The following TLN1 variants were observed in gnomAD, a reference collection of about 807,000 sequenced individuals.
TLN1 encodes talin 1.
TLN1 carries 56 observed loss-of-function variants against 292.3 expected under a neutral mutation model. The observed-to-expected ratio is 0.19, with a 90% CI of 0.15 to 0.24. TLN1 has a LOEUF of 0.24. Ranked by LOEUF, TLN1 falls within the 10% of genes least tolerant of loss-of-function variation. The pLI is 1.00. For missense variants in TLN1, 2,433 were observed against 3,248.2 expected (o/e 0.75, Z 6.10); for synonymous variants, 1,119 against 1,253.7 (o/e 0.89, Z 2.27).
At chr9:35,730,922 A>AGTCCCCAACTTGTGACTAGGCC (rs1160575124) in intron 1 of TLN1, among the ~76,000 whole-genome samples, 3 of 152,106 alleles carry the variant, frequency 2.0e-5, no homozygotes, top group African/African-American at 7.2e-5. Context: ...TTCCCTAGGC[A>AGTCCCCAACTTGTGACTAGGCC]GTCCCCAACT....
Position 35,714,252 on chromosome 9 carries a change from G to A in TLN1, c.3107C>T (p.Thr1036Met), listed in dbSNP as rs1391200571. ...CAGCTTCCATACCTTCTGGGCAGCC[G>A]TCCGGAGTTCAGCCAGCGCGGTGCC... ...NLGTALAELR[T>M]AAQKAQEACG... is the part of the protein sequence containing the mutation. The change falls in exon 24 of 57, where the codon ACG becomes ATG. Residue 1036 changes from threonine to methionine, a missense_variant. By Grantham distance (81) the Thr-to-Met change is moderately conservative. This residue lies in a region of TLN1 where 1,384 missense variants were observed against 1,699.6 expected (regional missense o/e 0.81). Transcript: ENST00000314888. This position sits in a 1 kb window ranked among gnomAD's most constrained non-coding sequence, Gnocchi z 4.6. The A allele has an allele frequency of 2.5e-6, 4 of 1,611,220 alleles. No homozygotes were observed. The highest frequency in any genetic ancestry group is 1.7e-5 in the Admixed American group (1 of 59,824).
At chr9:35,730,695 G>A (rs1437291640) in intron 1 of TLN1, among the ~76,000 whole-genome samples, 2 of 152,090 alleles carry the variant, frequency 1.3e-5, no homozygotes, top group Admixed American at 1.3e-4. Context: ...AGATGAGCAT[G>A]GGAGAGTTAA....
rs1340991363 is a variant in TLN1, at chr9:35,707,869, C to T, written c.4494G>A (p.Val1498=). Residue 1498 remains valine (V), a synonymous_variant, in exon 35 of 57, where the codon GTG becomes GTA. Coordinates refer to ENST00000314888, the MANE Select transcript of TLN1 (RefSeq NM_006289.4). The surrounding 1 kb of genome is among the most constrained non-coding windows in gnomAD (Gnocchi z 5.6). ...TACACAGTGCAGAGGTGTGTTTAGC[C>T]ACAATGGTGGCTGCAGAGAGCACCT... ...QAQVLSAATI[V]AKHTSALCNS... 5.0e-6 allele frequency: 8 copies of T among 1,614,084 alleles called. No individual in the cohort carries two copies. The highest frequency in any genetic ancestry group is 1.7e-4 in the Middle Eastern group (1 of 6,058).
intron 27 of TLN1, 73 bp from the exon 28 acceptor site, chr9:35,712,197 G>A: frequency 6.5e-7 from 1 of 1,529,706 alleles, no homozygotes; most frequent in Non-Finnish European, 8.8e-7. Context: ...ACGCGACATG[G>A]GAGATGACTA....
In TLN1 at chr9:35,719,042, C is replaced by T. The variant is rs1420048507; in HGVS notation, c.1896+32G>A. 95 of 1,602,614 alleles carry T rather than the reference C, an allele frequency of 5.9e-5. 1 individual carries two copies. The highest frequency in any genetic ancestry group is 8.0e-5 in the Non-Finnish European group (94 of 1,172,940). On this transcript the variant is annotated intron_variant, in intron 16 of 56. Coordinates refer to ENST00000314888, the MANE Select transcript of TLN1 (RefSeq NM_006289.4). This position sits in a 1 kb window ranked among gnomAD's most constrained non-coding sequence, Gnocchi z 4.6. ...CCTTCTCCTTGGGCTTGAACCCTGT[C>T]TCCACCCTAACCCAAACCTGTGGCC...
chr9:35,721,680 G>A lies in TLN1; in HGVS notation c.1072C>T (p.Arg358Cys). ...IQEWNLTNIK[R>C]WAASPKSFTL... ...AAGCTTTTGGGAGACGCAGCCCAGC[G>A]TTTGATGTTGGTGAGGTTCCACTCC... is the stretch of plus-strand genomic sequence containing the variant. The change falls in exon 10 of 57, where the codon CGC becomes TGC. Residue 358 changes from arginine to cysteine, a missense_variant. Arg to Cys is a radical substitution (Grantham distance 180, BLOSUM62 -3). This residue lies in a region of TLN1 where 57 missense variants were observed against 136.5 expected (regional missense o/e 0.42). Coordinates refer to ENST00000314888, the MANE Select transcript of TLN1 (RefSeq NM_006289.4). The A allele has an allele frequency of 2.5e-6, 4 of 1,613,980 alleles. No individual in the cohort carries two copies. The highest frequency in any genetic ancestry group is 3.4e-6 in the Non-Finnish European group (4 of 1,179,854).
At chr9:35,722,943 C>T (rs770591281) in intron 7 of TLN1, 22 bp from the exon 8 acceptor site, 3 of 1,612,874 alleles carry the variant, frequency 1.9e-6, no homozygotes, top group Admixed American at 1.7e-5. Flanking sequence ...AAGGGAGGGT[C>T]AGCATGTGGT....
intron 7 of TLN1, 185 bp from the exon 8 acceptor site, chr9:35,723,106 CTTT>C (rs372618542): frequency 7.8e-5 from 30 of 386,652 alleles, no homozygotes; most frequent in Non-Finnish European, 9.9e-5. Flanking sequence ...GTAAACTCTT[CTTT>C]TTTTTTTTTG....
rs999644930 is a variant in TLN1, at chr9:35,725,845, T to C, written c.-33-118A>G. The C allele has an allele frequency of 7.5e-6, 6 of 804,904 alleles. No individual in the cohort carries two copies. In the Middle Eastern group the frequency reaches 8.5e-4, roughly 114 times the overall value. The allele number at this position is 804,904 out of a possible 1,614,324, so 49.9% of individuals were successfully genotyped here. A position where few individuals can be genotyped will look rare whatever the true frequency, so the allele number is the denominator to read the frequency against. On this transcript the variant is annotated intron_variant, in intron 1 of 56. Transcript: ENST00000314888. ...AGGGACTCACCAAAGTAGATGGTAA[T>C]AAGGTTGTTTTCATTGTATTTAATA... is the stretch of plus-strand genomic sequence containing the variant.
rs1225744814 is a variant in TLN1 at position 35,716,567 on chromosome 9, A to G, written c.2459-11T>C. 1.2e-6 allele frequency: 2 copies of G among 1,612,910 alleles called. No individual in the cohort carries two copies. Among genetic ancestry groups the G allele is most frequent in the East Asian group, 4.5e-5 (2 of 44,846 alleles). Reference sequence around the variant, plus strand: ...GTCGCACCATCTCCCCTGAGAGCATAGGGCACAGTCAGGCGAGGAAGCCAG... The same window carrying G: ...GTCGCACCATCTCCCCTGAGAGCATGGGGCACAGTCAGGCGAGGAAGCCAG... On this transcript the variant is annotated splice_polypyrimidine_tract_variant and intron_variant, in intron 19 of 56. Coordinates refer to ENST00000314888, the MANE Select transcript of TLN1 (RefSeq NM_006289.4).
At position 35,721,746 on chromosome 9, in the gene TLN1, A is replaced by G. The variant is rs1166541102; in HGVS notation, c.1006T>C (p.Cys336Arg). 3 of 1,613,704 alleles carry G rather than the reference A, an allele frequency of 1.9e-6. No individual in the cohort carries two copies. The East Asian group carries it at 6.7e-5, about 36-fold the overall frequency. ...GTCTTCTCATCCACTCGCATCACAC[A>G]CTCCTTGGTGATGCCCAGAAGCCTG... is the stretch of plus-strand genomic sequence containing the variant. ...VPRLLGITKE[C>R]VMRVDEKTKE... The change falls in exon 10 of 57, where the codon TGT becomes CGT. Residue 336 changes from cysteine to arginine, a missense_variant. Cys to Arg is a radical substitution (Grantham distance 180). Transcript: ENST00000314888.
chr9:35,714,693 G>A lies in TLN1; in HGVS notation c.2872-6C>T. ...GGAATCTGCTCTGCCACTGCCTGTA[G>A]GTGAAAATGTCATAAGAGACCCACA... On this transcript the variant is annotated splice_region_variant and splice_polypyrimidine_tract_variant and intron_variant, in intron 22 of 56. Transcript: ENST00000314888. The surrounding 1 kb of genome is among the most constrained non-coding windows in gnomAD (Gnocchi z 4.6). 6.2e-7 allele frequency: 1 copy of A among 1,614,046 alleles called. No homozygotes were observed. Among genetic ancestry groups the A allele is most frequent in the African/African-American group, 1.3e-5 (1 of 75,046 alleles).
chr9:35,714,760 C>T lies in TLN1; in HGVS notation c.2871G>A (p.Lys957=), dbSNP rs751169446. 2.5e-6 allele frequency: 4 copies of T among 1,600,732 alleles called. No individual in the cohort carries two copies. The highest frequency in any genetic ancestry group is 8.5e-7 in the Non-Finnish European group (1 of 1,172,452). ...TCCCACATCCTTCCTAGAGTCTTAC[C>T]TTGCAGCTCTGCACCAGCAGGGGCT... The part of the protein sequence containing the change: ...GPQPLLVQSC[K]AVAEQIPLLV... The change falls in exon 22 of 57, where the codon AAG becomes AAA. Residue 957 remains lysine, a splice_region_variant and synonymous_variant. Transcript: ENST00000314888. The surrounding 1 kb of genome is among the most constrained non-coding windows in gnomAD (Gnocchi z 4.6).
rs371493482 is a variant in TLN1, at chr9:35,719,114, A to G, written c.1856T>C (p.Val619Ala). The change falls in exon 16 of 57, where the codon GTG becomes GCG. Residue 619 changes from valine to alanine, a missense_variant. Around this residue, in one of 7 missense-constraint regions of TLN1, gnomAD observed 617 missense variants for 770.6 expected, o/e 0.80. Transcript: ENST00000314888. This position sits in a 1 kb window ranked among gnomAD's most constrained non-coding sequence, Gnocchi z 4.6. ...LQAAKGLAGA[V>A]SELLRSAQPA... ...TTGGGCACTGCGCAGCAGTTCTGAC[A>G]CTGCTCCCGCAAGGCCCTTTGCTGC... is the stretch of plus-strand genomic sequence containing the variant. 588 of 1,613,984 alleles carry G rather than the reference A, an allele frequency of 3.6e-4. No homozygotes were observed. The highest frequency in any genetic ancestry group is 4.6e-4 in the Non-Finnish European group (547 of 1,180,026).
intron 17 of TLN1, among the ~76,000 whole-genome samples, chr9:35,718,093 T>C (rs1466462330): frequency 1.3e-5 from 2 of 151,812 alleles, no homozygotes; most frequent in Non-Finnish European, 2.9e-5. Flanking sequence ...GGAGAGGAGG[T>C]AGGAGGTATC....
chr9:35,724,092 G>A lies in TLN1; in HGVS notation c.655-13C>T, dbSNP rs1308074403. On this transcript the variant is annotated splice_polypyrimidine_tract_variant and intron_variant, in intron 6 of 56. Transcript: ENST00000314888. The surrounding 1 kb of genome is among the most constrained non-coding windows in gnomAD (Gnocchi z 4.7). ...TGTCATCTCGTGCCTGGAGAGCACA[G>A]GGCAAGGAGGCGAATGTTGTGTGTG... 1.2e-6 allele frequency: 2 copies of A among 1,613,148 alleles called. No homozygotes were observed. The highest frequency in any genetic ancestry group is 1.7e-5 in the Admixed American group (1 of 60,000).
chr9:35,721,590 C>A (rs1825880324), intron 10 of TLN1, 58 bp downstream of exon 10: 3 of 1,575,674 alleles, frequency 1.9e-6, no homozygotes, highest in Non-Finnish European at 2.6e-6. Flanking sequence ...GAGACCTCTG[C>A]AGCTGCCCCT....
rs763055304 is a variant in TLN1, at chr9:35,706,043, C to T, written c.5430G>A (p.Leu1810=). 1 of 1,614,238 alleles carries T rather than the reference C, an allele frequency of 6.2e-7. No homozygotes were observed. The highest frequency in any genetic ancestry group is 8.5e-7 in the Non-Finnish European group (1 of 1,180,036). The stretch of plus-strand genomic sequence containing the variant: ...TGGCTGCCTCGTTGAGGGTTGTTGT[C>T]AGGTCCTCTACGGCCTCGGTCATCA... ...VQMMTEAVED[L]TTTLNEAASA... is the part of the protein sequence containing the mutation. The change falls in exon 41 of 57, where the codon CTG becomes CTA. Residue 1810 remains leucine, a synonymous_variant. Coordinates refer to ENST00000314888, the MANE Select transcript of TLN1 (RefSeq NM_006289.4). The surrounding 1 kb of genome is among the most constrained non-coding windows in gnomAD (Gnocchi z 4.2).
At chr9:35,718,771 C>G (rs1194595517) in intron 17 of TLN1, 41 bp downstream of exon 17, 2 of 1,566,030 alleles carry the variant, frequency 1.3e-6, no homozygotes, top group Non-Finnish European at 8.8e-7. Flanking sequence ...GAAGTTACTT[C>G]CTAGATTCTG....
Sources: gnomAD v4.1 joint callset for allele counts (sites outside exome capture counted in the v4.1 genomes callset) on GRCh38, gnomAD v4.1.1 for gene constraint, gnomAD v4.1.1 regional missense constraint, Gnocchi (gnomAD v3.1) non-coding constraint, MANE v1.5 for transcripts, NCBI Gene and HGNC (gene_info 2026-07-23, HGNC 2026-07-21) for gene names.